The following DLGAP2 variants were observed in gnomAD, a reference collection of about 807,000 sequenced individuals.
The protein encoded by DLGAP2 is DLG associated protein 2, also known as disks large-associated protein 2.
Under a neutral mutation model 100.3 loss-of-function variants are expected in DLGAP2, and 26 were observed. The observed-to-expected ratio is 0.26, with a 90% CI of 0.19 to 0.36. The LOEUF is 0.36. DLGAP2 is among the 10% of genes least tolerant of loss of function. The pLI is 1.00. For missense variants in DLGAP2, 1,858 were observed against 1,453.2 expected (o/e 1.28, Z -4.53); for synonymous variants, 886 against 630.1 (o/e 1.41, Z -6.08).
At chr8:923,492 C>T (rs960569918) in intron 2 of DLGAP2, among the ~76,000 whole-genome samples, 3 of 152,204 alleles carry the variant, frequency 2.0e-5, no homozygotes, top group Non-Finnish European at 2.9e-5. Flanking sequence ...ATATGCTTAA[C>T]CCTGCATTCA....
At chr8:1,324,265 A>G (rs186720420) in intron 3 of DLGAP2, among the ~76,000 whole-genome samples, 2 of 152,218 alleles carry the variant, frequency 1.3e-5, no homozygotes, top group Admixed American at 6.5e-5. Flanking sequence ...TTGTAATTCA[A>G]TAACAACAGA....
At chr8:872,491 G>T (rs1289794396) in intron 1 of DLGAP2, among the ~76,000 whole-genome samples, 1 of 151,890 alleles carries the variant, frequency 6.6e-6, no homozygotes, top group Admixed American at 6.6e-5. Flanking sequence ...GTGCCACCAC[G>T]CCCGGCTAAT....
At chr8:928,943 A>G (rs1798879323) in intron 2 of DLGAP2, among the ~76,000 whole-genome samples, 1 of 150,102 alleles carries the variant, frequency 6.7e-6, no homozygotes, top group South Asian at 2.1e-4. Flanking sequence ...ACACTGCTCA[A>G]GGTTTCTCTG....
At chr8:1,390,561 C>A (rs188132941) in intron 3 of DLGAP2, among the ~76,000 whole-genome samples, 9 of 152,208 alleles carry the variant, frequency 5.9e-5, no homozygotes, top group African/African-American at 2.2e-4. Context: ...CTCCTGTATG[C>A]TTGCGGGCCT....
At chr8:961,944 G>A (rs969328599) in intron 2 of DLGAP2, among the ~76,000 whole-genome samples, 2 of 152,180 alleles carry the variant, frequency 1.3e-5, no homozygotes, top group African/African-American at 4.8e-5. Context: ...TCAATATGTG[G>A]ATTATTTTCT....
chr8:1,378,777 A>G (rs977603170), intron 3 of DLGAP2, among the ~76,000 whole-genome samples: 4 of 152,166 alleles, frequency 2.6e-5, no homozygotes, highest in Admixed American at 6.5e-5. Flanking sequence ...GTCTTTCCTT[A>G]TGCAGTTTCT....
At chr8:1,658,278 A>G (rs1268369135) in intron 8 of DLGAP2, among the ~76,000 whole-genome samples, 1 of 152,060 alleles carries the variant, frequency 6.6e-6, no homozygotes, top group Non-Finnish European at 1.5e-5. Flanking sequence ...TATTGAATGT[A>G]CCTGGCTTCC....
intron 4 of DLGAP2, among the ~76,000 whole-genome samples, chr8:1,523,099 A>ATC (rs1055830663): frequency 6.6e-6 from 1 of 152,188 alleles, no homozygotes; most frequent in Admixed American, 6.5e-5. Flanking sequence ...CCCGTGCGGC[A>ATC]TCTCCTGGGA....
At chr8:1,446,839 A>G (rs1019208332) in intron 3 of DLGAP2, among the ~76,000 whole-genome samples, 10 of 152,118 alleles carry the variant, frequency 6.6e-5, no homozygotes, top group Admixed American at 6.6e-4. Context: ...TAGGTATTTT[A>G]TTCTCTTTGA....
At chr8:904,970 G>A (rs1798345878) in intron 1 of DLGAP2, among the ~76,000 whole-genome samples, 1 of 152,204 alleles carries the variant, frequency 6.6e-6, no homozygotes, top group African/African-American at 2.4e-5. Context: ...GGTGCGGCAA[G>A]CGACGTGTGC....
At chr8:985,325 A>T (rs1262454974) in intron 2 of DLGAP2, among the ~76,000 whole-genome samples, 2 of 152,208 alleles carry the variant, frequency 1.3e-5, no homozygotes, top group Non-Finnish European at 2.9e-5. Flanking sequence ...GTGGGTACAT[A>T]AGCTTCAGAG....
At chr8:804,357 G>A (rs1047240309) in intron 1 of DLGAP2, among the ~76,000 whole-genome samples, 6 of 152,162 alleles carry the variant, frequency 3.9e-5, no homozygotes, top group African/African-American at 1.4e-4. Flanking sequence ...GGCAGCGATG[G>A]TCTCTGTGTT....
At chr8:1,174,634 A>G (rs771966869) in intron 2 of DLGAP2, among the ~76,000 whole-genome samples, 4 of 151,334 alleles carry the variant, frequency 2.6e-5, no homozygotes, top group Admixed American at 6.6e-5. Flanking sequence ...TACTGCCACC[A>G]TCATCATCGT....
chr8:1,128,000 T>C (rs1213645677), intron 2 of DLGAP2, among the ~76,000 whole-genome samples: 1 of 152,228 alleles, frequency 6.6e-6, no homozygotes, highest in Non-Finnish European at 1.5e-5. Flanking sequence ...TAAACCAGGC[T>C]TTTTAGGTTT....
intron 12 of DLGAP2, among the ~76,000 whole-genome samples, chr8:1,691,210 G>A (rs1318154059): frequency 6.6e-6 from 1 of 152,160 alleles, no homozygotes; most frequent in East Asian, 1.9e-4. Flanking sequence ...GTGTCTTCCA[G>A]CTCATCCAAA....
chr8:1,194,200 C>T (rs1347307603), intron 2 of DLGAP2, among the ~76,000 whole-genome samples: 1 of 152,092 alleles, frequency 6.6e-6, no homozygotes, highest in African/African-American at 2.4e-5. Context: ...TGTGGGAGGC[C>T]ACGCCTTGTT....
chr8:1,064,842 C>G (rs1041549891), intron 2 of DLGAP2, among the ~76,000 whole-genome samples: 2 of 152,206 alleles, frequency 1.3e-5, no homozygotes, highest in Non-Finnish European at 2.9e-5. Context: ...TCACCCCCCT[C>G]CACCCTGACA....
At chr8:881,852 C>A (rs149653759) in intron 1 of DLGAP2, among the ~76,000 whole-genome samples, 1 of 152,012 alleles carries the variant, frequency 6.6e-6, no homozygotes, top group Non-Finnish European at 1.5e-5. Flanking sequence ...TGCCCTGTCA[C>A]TTTGTTCCCA....
At chr8:1,465,002 C>T (rs940269669) in intron 3 of DLGAP2, among the ~76,000 whole-genome samples, 4 of 152,366 alleles carry the variant, frequency 2.6e-5, no homozygotes, top group South Asian at 4.1e-4. Flanking sequence ...CAGGAGACTT[C>T]GATGACCAAA....
Sources: allele counts gnomAD v4.1 joint callset (sites outside exome capture counted in the v4.1 genomes callset), GRCh38; gene constraint gnomAD v4.1.1; transcripts MANE v1.5; gene names NCBI Gene and HGNC (gene_info 2026-07-23, HGNC 2026-07-21).